GPR37L1: variants seen among roughly 807,000 people sequenced by gnomAD.
GPR37L1 encodes the protein G protein-coupled receptor 37 like 1.
GPR37L1 carries 18 observed loss-of-function variants against 18.0 expected under a neutral mutation model. That is an observed-to-expected ratio of 1.00 (90% CI 0.69 to 1.49). The LOEUF (loss-of-function observed/expected upper bound fraction) is 1.49. Ranked by LOEUF, GPR37L1 falls within the 40% of genes most tolerant of loss-of-function variation. The pLI is 0.00. For synonymous variants in GPR37L1, 256 were observed against 273.9 expected (o/e 0.93, Z 0.65); for missense variants, 558 against 615.1 (o/e 0.91, Z 0.98).
In GPR37L1 at chr1:202,123,473, C is replaced by T; in HGVS notation, c.510C>T (p.Ala170=). 6.2e-7 allele frequency: 1 copy of T among 1,614,052 alleles called. No homozygotes were observed. Among genetic ancestry groups the T allele is most frequent in the Non-Finnish European group, 8.5e-7 (1 of 1,180,004 alleles). The change falls in exon 1 of 2, where the codon GCC becomes GCT. Residue 170 remains alanine (A), a synonymous_variant. Coordinates refer to ENST00000367282, the MANE Select transcript of GPR37L1 (RefSeq NM_004767.5). The part of the protein sequence containing the change: ...YLKSAWNSIL[A]SLALWDFLVL... ...AGAGTGCCTGGAACTCCATCCTTGC[C>T]AGCCTGGCCCTCTGGGATTTTCTGG... is the stretch of plus-strand genomic sequence containing the variant.
In GPR37L1 at chr1:202,128,833, G is replaced by A. The variant is rs1654754302; in HGVS notation, c.*277G>A. On this transcript the variant is annotated 3_prime_UTR_variant, in exon 2 of 2. Transcript: ENST00000367282. The stretch of plus-strand genomic sequence containing the variant: ...TCTGAGTCCCAGCAGCTGGGAGCCA[G>A]AACTTTGCCTGCCCTCCCTTGGTTC... The A allele has an allele frequency of 3.0e-6, 1 of 336,954 alleles. No homozygotes were observed. Among genetic ancestry groups the A allele is most frequent in the Non-Finnish European group, 5.4e-6 (1 of 185,568 alleles). 20.9% of individuals were successfully genotyped at this position (336,954 alleles called of 1,614,324 possible).
rs543341629 is a variant in GPR37L1, at chr1:202,124,146, C to G, written c.630+553C>G. Among the ~76,000 whole-genome samples, 310 of 152,234 alleles carry G rather than the reference C, an allele frequency of 2.0e-3. 1 individual carries two copies. The highest frequency in any genetic ancestry group is 3.2e-3 in the Non-Finnish European group (217 of 68,016). ...AATACAAGCACCAGAAGCAAAAGAC[C>G]GCTCCGTTCTTCCCTCCCTGCTGGG... On this transcript the variant is annotated intron_variant, in intron 1 of 1. Transcript: ENST00000367282.
chr1:202,128,469 C>T lies in GPR37L1; in HGVS notation c.1359C>T (p.Asn453=), dbSNP rs1654740810. The change falls in exon 2 of 2, where the codon AAC becomes AAT. Residue 453 remains asparagine (N), a synonymous_variant. Transcript: ENST00000367282. ...SEASAANGSD[N]KLKTEVSSSI... is the part of the protein sequence containing the mutation. The stretch of plus-strand genomic sequence containing the variant: ...CCTCTGCTGCCAATGGGTCGGACAA[C>T]AAGCTCAAGACCGAGGTGTCCTCTT... 2.5e-6 allele frequency: 4 copies of T among 1,610,382 alleles called. No homozygotes were observed. Among genetic ancestry groups the T allele is most frequent in the Admixed American group, 1.7e-5 (1 of 59,298 alleles).
At chr1:202,124,557 G>A (rs1654605168) in intron 1 of GPR37L1, among the ~76,000 whole-genome samples, 1 of 152,222 alleles carries the variant, frequency 6.6e-6, no homozygotes, top group South Asian at 2.1e-4. Flanking sequence ...CTCTCTGTAA[G>A]ACAAAATAAG....
intron 1 of GPR37L1, among the ~76,000 whole-genome samples, chr1:202,126,838 C>CGTGCGTGTGTGT (rs1553315417): frequency 1.9e-3 from 279 of 146,446 alleles, no homozygotes; most frequent in Middle Eastern, 6.9e-3. Flanking sequence ...CAGAAACGTG[C>CGTGCGTGTGTGT]GTGTGTGTGT....
Position 202,128,022 on chromosome 1 carries a change from C to T in GPR37L1, c.912C>T (p.Thr304=), listed in dbSNP as rs1654720853. ...AGTCCCTGTATTCACTGGTGATGAC[C>T]TACCAGAACGCCCGCATGTGGTGGT... is the stretch of plus-strand genomic sequence containing the variant. The part of the protein sequence containing the change: ...LPESLYSLVM[T]YQNARMWWYF... Residue 304 remains threonine (T), a synonymous_variant, in exon 2 of 2, where the codon ACC becomes ACT. Transcript: ENST00000367282. 1 of 1,614,074 alleles carries T rather than the reference C, an allele frequency of 6.2e-7. No homozygotes were observed. Among genetic ancestry groups the T allele is most frequent in the Admixed American group, 1.7e-5 (1 of 60,000 alleles).
rs1008331607 is a variant in GPR37L1, at chr1:202,128,673, C to T, written c.*117C>T. 5.9e-6 allele frequency: 4 copies of T among 674,526 alleles called. No individual in the cohort carries two copies. In the African/African-American group the frequency reaches 7.3e-5, roughly 12 times the overall value. The allele number at this position is 674,526 out of a possible 1,614,324, so 41.8% of individuals were successfully genotyped here. ...TTGCTGTCTAGGGATGGACTTGGTT[C>T]CTCTTGTCAAGGTTTGGGAATGTCA... On this transcript the variant is annotated 3_prime_UTR_variant, in exon 2 of 2. Transcript: ENST00000367282.
Position 202,128,386 on chromosome 1 carries a change from G to A in GPR37L1, c.1276G>A (p.Ala426Thr). Residue 426 changes from alanine to threonine, a missense_variant, in exon 2 of 2, where the codon GCC becomes ACC. Physicochemically the swap from Ala to Thr is moderately conservative, Grantham distance 58. Coordinates refer to ENST00000367282, the MANE Select transcript of GPR37L1 (RefSeq NM_004767.5). ...LLCICRPLGQ[A>T]FLDCCCCCCC... ...TTGCATCTGCAGGCCGCTGGGCCAG[G>A]CCTTCCTGGACTGCTGCTGCTGCTG... 1.2e-6 allele frequency: 2 copies of A among 1,614,170 alleles called. No homozygotes were observed. Among genetic ancestry groups the A allele is most frequent in the Non-Finnish European group, 8.5e-7 (1 of 1,180,016 alleles).
rs976608632 is a variant in GPR37L1 at position 202,128,820 on chromosome 1, C to G, written c.*264C>G. The G allele has an allele frequency of 8.4e-6, 3 of 355,918 alleles. No individual in the cohort carries two copies. Among genetic ancestry groups the G allele is most frequent in the Non-Finnish European group, 1.5e-5 (3 of 197,412 alleles). 22.0% of individuals were successfully genotyped at this position (355,918 alleles called of 1,614,324 possible). A position where few individuals can be genotyped will look rare whatever the true frequency, so the allele number is the denominator to read the frequency against. On this transcript the variant is annotated 3_prime_UTR_variant, in exon 2 of 2. Transcript: ENST00000367282. ...ACTGCCCAGAAACTCTGAGTCCCAGCAGCTGGGAGCCAGAACTTTGCCTGC... is the reference window on the plus strand; with the variant it reads ...ACTGCCCAGAAACTCTGAGTCCCAGGAGCTGGGAGCCAGAACTTTGCCTGC...
chr1:202,125,891 T>C (rs1407322425), intron 1 of GPR37L1, among the ~76,000 whole-genome samples: 1 of 152,076 alleles, frequency 6.6e-6, no homozygotes, highest in East Asian at 1.9e-4. Flanking sequence ...CCGGCTAATT[T>C]TTGTATTTTT....
At position 202,128,025 on chromosome 1, in the gene GPR37L1, C is replaced by A; in HGVS notation, c.915C>A (p.Tyr305Ter). Reference protein sequence around the residue: ...PESLYSLVMTYQNARMWWYFG... With the variant: ...PESLYSLVMT ...CCCTGTATTCACTGGTGATGACCTA[C>A]CAGAACGCCCGCATGTGGTGGTACT... is the stretch of plus-strand genomic sequence containing the variant. Residue 305 changes from tyrosine (Y) to a stop codon, truncating the protein, a stop_gained, in exon 2 of 2, where the codon TAC becomes TAA. Transcript: ENST00000367282. LOFTEE classifies it low-confidence loss of function (END_TRUNC). 1 of 1,614,142 alleles carries A rather than the reference C, an allele frequency of 6.2e-7. No individual in the cohort carries two copies. Among genetic ancestry groups the A allele is most frequent in the African/African-American group, 1.3e-5 (1 of 75,030 alleles).
rs147508343 is a variant in GPR37L1, at chr1:202,123,574, G to A, written c.611G>A (p.Arg204His). 1.9e-5 allele frequency: 31 copies of A among 1,592,332 alleles called. No individual in the cohort carries two copies. Among genetic ancestry groups the A allele is most frequent in the Admixed American group, 1.5e-4 (9 of 58,318 alleles). Residue 204 changes from arginine to histidine, a missense_variant, in exon 1 of 2, where the codon CGT becomes CAT. Coordinates refer to ENST00000367282, the MANE Select transcript of GPR37L1 (RefSeq NM_004767.5). ...AGGCTACTGGGTGACGTTTCTTGTC[G>A]TGCCGTGCCCTTCATGGAGGTGAGT... ...KQRLLGDVSC[R>H]AVPFMEVSSL...
intron 1 of GPR37L1, among the ~76,000 whole-genome samples, chr1:202,126,745 G>A (rs1024599289): frequency 1.3e-4 from 20 of 152,218 alleles, no homozygotes; most frequent in Non-Finnish European, 2.1e-4. Flanking sequence ...AATAGAGTGC[G>A]GGCATGGTGG....
chr1:202,128,573 G>A lies in GPR37L1; in HGVS notation c.*17G>A, dbSNP rs776163678. 14 of 1,400,402 alleles carry A rather than the reference G, an allele frequency of 1.0e-5. No individual in the cohort carries two copies. The highest frequency in any genetic ancestry group is 1.4e-5 in the Non-Finnish European group (14 of 1,026,992). 86.7% of individuals were successfully genotyped at this position (1,400,402 alleles called of 1,614,324 possible). ...CCTTGCTGAGGCCCCAGTAGGGGTG[G>A]GGAGGGAGGGAGAGGCCGCCACCCC... On this transcript the variant is annotated 3_prime_UTR_variant, in exon 2 of 2. Transcript: ENST00000367282.
intron 1 of GPR37L1, among the ~76,000 whole-genome samples, chr1:202,124,422 T>C (rs189743440): frequency 2.0e-5 from 3 of 152,354 alleles, no homozygotes; most frequent in Admixed American, 2.0e-4. Context: ...CCCTTACTTC[T>C]GGTAGCGTCT....
intron 1 of GPR37L1, among the ~76,000 whole-genome samples, chr1:202,126,812 C>T (rs559634389): frequency 5.3e-5 from 8 of 149,832 alleles, no homozygotes; most frequent in African/African-American, 9.9e-5. Context: ...TGGGCTTCTC[C>T]GGACAGGGCC....
rs780009156 is a variant in GPR37L1 at position 202,128,086 on chromosome 1, G to A, written c.976G>A (p.Val326Ile). The change falls in exon 2 of 2, where the codon GTC becomes ATC. Residue 326 changes from valine (V) to isoleucine (I), a missense_variant. Transcript: ENST00000367282. ...CTTCTGCCTGCCCATCCTCTTCACA[G>A]TCACCTGCCAGCTGGTGACATGGCG... is the stretch of plus-strand genomic sequence containing the variant. ...CYFCLPILFT[V>I]TCQLVTWRVR... 9 of 1,614,012 alleles carry A rather than the reference G, an allele frequency of 5.6e-6. No individual in the cohort carries two copies. Among genetic ancestry groups the A allele is most frequent in the East Asian group, 4.5e-5 (2 of 44,888 alleles).
At position 202,127,752 on chromosome 1, in the gene GPR37L1, G is replaced by C; in HGVS notation, c.642G>C (p.Leu214=). Residue 214 remains leucine, a synonymous_variant, in exon 2 of 2, where the codon CTG becomes CTC. Coordinates refer to ENST00000367282, the MANE Select transcript of GPR37L1 (RefSeq NM_004767.5). ...CATCCTGCCCACAGGTCTCCTCTCT[G>C]GGAGTCACGACTTTCAGCCTCTGTG... ...RAVPFMEVSS[L]GVTTFSLCAL... 2 of 1,573,526 alleles carry C rather than the reference G, an allele frequency of 1.3e-6. No individual in the cohort carries two copies. Among genetic ancestry groups the C allele is most frequent in the South Asian group, 2.4e-5 (2 of 84,082 alleles).
chr1:202,125,489 A>G (rs1432262557), intron 1 of GPR37L1, among the ~76,000 whole-genome samples: 1 of 152,196 alleles, frequency 6.6e-6, no homozygotes, highest in Admixed American at 6.5e-5. Context: ...GGGCAGACAC[A>G]TACGACCTCT....
Sources: allele counts gnomAD v4.1 joint callset (sites outside exome capture counted in the v4.1 genomes callset), GRCh38; gene constraint gnomAD v4.1.1; transcripts MANE v1.5; gene names NCBI Gene and HGNC (gene_info 2026-07-23, HGNC 2026-07-21).